ARHGEF38: variants seen among roughly 807,000 people sequenced by gnomAD.
ARHGEF38 encodes the protein Rho guanine nucleotide exchange factor (GEF) 38.
A neutral mutation model predicts 79.9 loss-of-function variants in ARHGEF38; 79 were observed. The observed-to-expected ratio is 0.99, with a 90% confidence interval of 0.82 to 1.19. The LOEUF (loss-of-function observed/expected upper bound fraction) is 1.19, where lower values mean the gene tolerates loss of function less well. Ranked by LOEUF, ARHGEF38 falls within the 50% of genes most tolerant of loss-of-function variation. The pLI is 0.00. For synonymous variants in ARHGEF38, 366 were observed against 328.3 expected (o/e 1.11, Z -1.24); for missense variants, 962 against 907.2 (o/e 1.06, Z -0.78).
chr4:105,557,718 C>T (rs1050294003), intron 1 of ARHGEF38, among the ~76,000 whole-genome samples: 1 of 151,930 alleles, frequency 6.6e-6, no homozygotes, highest in African/African-American at 2.4e-5. Flanking sequence ...TAAGATCTTC[C>T]GCATTAGGAA....
intron 1 of ARHGEF38, among the ~76,000 whole-genome samples, chr4:105,582,037 C>A (rs142718298): frequency 0.027 from 4,122 of 151,650 alleles, 191 homozygotes; most frequent in African/African-American, 0.093. Context: ...TGGTGGCGGG[C>A]GCCTGTAATC....
At chr4:105,564,884 A>G (rs1411414843) in intron 1 of ARHGEF38, among the ~76,000 whole-genome samples, 1 of 152,212 alleles carries the variant, frequency 6.6e-6, no homozygotes, top group African/African-American at 2.4e-5. Context: ...ACATCTGCCC[A>G]AGGTGGTCAG....
chr4:105,670,152 T>C (rs1730911601), intron 13 of ARHGEF38, among the ~76,000 whole-genome samples: 1 of 152,120 alleles, frequency 6.6e-6, no homozygotes, highest in Non-Finnish European at 1.5e-5. Context: ...TACCCAGAAG[T>C]GTAATTTCTT....
chr4:105,656,662 G>A (rs1730339400), intron 9 of ARHGEF38, among the ~76,000 whole-genome samples: 1 of 152,150 alleles, frequency 6.6e-6, no homozygotes, highest in South Asian at 2.1e-4. Flanking sequence ...TGATCATCTT[G>A]AAAGTGGCAT....
intron 2 of ARHGEF38, among the ~76,000 whole-genome samples, chr4:105,606,922 C>T (rs962882280): frequency 6.6e-6 from 1 of 152,044 alleles, no homozygotes; most frequent in Non-Finnish European, 1.5e-5. Flanking sequence ...TTTCTTTTGT[C>T]TACTCATCCT....
At chr4:105,556,598 T>A (rs55902141) in intron 1 of ARHGEF38, among the ~76,000 whole-genome samples, 2,791 of 152,246 alleles carry the variant, frequency 0.018, 83 homozygotes, top group African/African-American at 0.064. Context: ...TCCTTGTTTA[T>A]CACCTGTTAT....
intron 4 of ARHGEF38, 136 bp downstream of exon 4, chr4:105,631,181 C>T: frequency 4.6e-6 from 6 of 1,304,930 alleles, no homozygotes; most frequent in Non-Finnish European, 5.8e-6. Flanking sequence ...TTTGCATTCC[C>T]TTTATAAAAA....
intron 5 of ARHGEF38, among the ~76,000 whole-genome samples, chr4:105,640,163 AC>A (rs1333640149): frequency 6.6e-6 from 1 of 151,824 alleles, no homozygotes; most frequent in Non-Finnish European, 1.5e-5. Flanking sequence ...ACACACACAA[AC>A]GCCTTTTCCA....
At chr4:105,564,197 T>G (rs1725774610) in intron 1 of ARHGEF38, among the ~76,000 whole-genome samples, 1 of 152,216 alleles carries the variant, frequency 6.6e-6, no homozygotes, top group African/African-American at 2.4e-5. Context: ...AAAAATAGGT[T>G]TGTTTTTCAG....
At chr4:105,598,012 T>A (rs1578295171) in intron 2 of ARHGEF38, among the ~76,000 whole-genome samples, 2 of 148,018 alleles carry the variant, frequency 1.4e-5, no homozygotes, top group African/African-American at 5.1e-5. Context: ...AACTTTCCAA[T>A]TTTTTTTTTA....
Position 105,608,783 on chromosome 4 carries a change from G to C in ARHGEF38, c.385-4601G>C, listed in dbSNP as rs572432800. 9.9e-5 allele frequency among the ~76,000 whole-genome samples: 15 copies of C among 151,950 alleles called. No individual in the cohort carries two copies. The South Asian group carries it at 3.1e-3, about 32-fold the overall frequency. ...ATGTAGGTAAACGTGTGTCATGGGG[G>C]TTTGTTGTACACATTATTTCATCTC... is the stretch of plus-strand genomic sequence containing the variant. On this transcript the variant is annotated intron_variant, in intron 2 of 13. Transcript: ENST00000420470.
chr4:105,664,909 C>A (rs1256247790), intron 10 of ARHGEF38, among the ~76,000 whole-genome samples: 2 of 152,186 alleles, frequency 1.3e-5, no homozygotes, highest in East Asian at 3.9e-4. Flanking sequence ...TCATTTTCTT[C>A]CCCCATTCTA....
At chr4:105,590,074 AGAAGGAAGGAAG>A (rs70941203) in intron 2 of ARHGEF38, among the ~76,000 whole-genome samples, 5,121 of 109,482 alleles carry the variant, frequency 0.047, 146 homozygotes, top group Middle Eastern at 0.053. Context: ...AAAGAAAGAA[AGAAGGAAGGAAG>A]GAAGGAAGGA....
rs867936354 is a variant in ARHGEF38 at position 105,656,217 on chromosome 4, G to C, written c.1233+495G>C. 3.9e-5 allele frequency among the ~76,000 whole-genome samples: 6 copies of C among 152,110 alleles called. 1 individual carries two copies. The South Asian group carries it at 1.2e-3, about 32-fold the overall frequency. The stretch of plus-strand genomic sequence containing the variant: ...CTAAAGGGGCACACCACCACACCTA[G>C]AAGATTTTTTGCATTTTTTGTAGAG... On this transcript the variant is annotated intron_variant, in intron 9 of 13. Coordinates refer to ENST00000420470, the MANE Select transcript of ARHGEF38 (RefSeq NM_001242729.2).
chr4:105,580,728 T>C lies in ARHGEF38; in HGVS notation c.197-8520T>C, dbSNP rs1480595217. Among the ~76,000 whole-genome samples the C allele has an allele frequency of 6.6e-5, 10 of 152,348 alleles. No individual in the cohort carries two copies. The East Asian group carries it at 1.7e-3, about 26-fold the overall frequency. The stretch of plus-strand genomic sequence containing the variant: ...GTTTGTGTCTTTGTTTGTTTGTTTT[T>C]TTGAGACAGAGTCTTGCTCTGTTGC... On this transcript the variant is annotated intron_variant, in intron 1 of 13. Transcript: ENST00000420470.
intron 1 of ARHGEF38, 69 bp from the exon 2 acceptor site, chr4:105,589,179 C>T (rs1727198252): frequency 1.2e-5 from 16 of 1,296,744 alleles, no homozygotes; most frequent in East Asian, 2.4e-5. Flanking sequence ...CCTTCGAAGG[C>T]GTTGTTTGTA....
chr4:105,589,491 G>C (rs1291988391), intron 2 of ARHGEF38, 56 bp downstream of exon 2: 10 of 1,485,316 alleles, frequency 6.7e-6, no homozygotes, highest in Non-Finnish European at 9.1e-6. Context: ...AGGATCACTA[G>C]CACCATGAAA....
intron 1 of ARHGEF38, among the ~76,000 whole-genome samples, chr4:105,581,884 G>C (rs1726807178): frequency 6.6e-6 from 1 of 151,926 alleles, no homozygotes; most frequent in Non-Finnish European, 1.5e-5. Context: ...GTATTCCTAT[G>C]GCCGGGTGTG....
chr4:105,601,517 G>A (rs1727820916), intron 2 of ARHGEF38, among the ~76,000 whole-genome samples: 1 of 152,162 alleles, frequency 6.6e-6, no homozygotes, highest in Non-Finnish European at 1.5e-5. Context: ...ACATTAATGA[G>A]TGGGTTAACT....
Sources: gnomAD v4.1 joint callset for allele counts (sites outside exome capture counted in the v4.1 genomes callset) on GRCh38, gnomAD v4.1.1 for gene constraint, MANE v1.5 for transcripts, NCBI Gene and HGNC (gene_info 2026-07-23, HGNC 2026-07-21) for gene names.